CALB2: variants seen among roughly 807,000 people sequenced by gnomAD.
The protein encoded by CALB2 is calretinin.
Under a neutral mutation model 45.9 loss-of-function variants are expected in CALB2, and 34 were observed. The ratio of observed to expected loss-of-function variants is 0.74; its 90% CI spans 0.56 to 0.99. The LOEUF (loss-of-function observed/expected upper bound fraction) is 0.99, where lower values mean the gene tolerates loss of function less well. CALB2 is among the 50% of genes least tolerant of loss of function. The pLI is 0.00. For missense variants in CALB2, 344 were observed against 339.3 expected, an observed-to-expected ratio of 1.01 and a Z score of -0.11; for synonymous variants, 142 against 129.6, an observed-to-expected ratio of 1.10 and a Z score of -0.65.
At chr16:71,359,111 G>A (rs917107325) in intron 1 of CALB2, among the ~76,000 whole-genome samples, 1 of 152,178 alleles carries the variant, frequency 6.6e-6, no homozygotes, top group South Asian at 2.1e-4. Context: ...GAGCCCACCC[G>A]CATTTGCACC....
chr16:71,383,333 G>A (rs201550865), intron 5 of CALB2, 34 bp from the exon 6 acceptor site: 1 of 1,596,174 alleles, frequency 6.3e-7, no homozygotes. Flanking sequence ...GAATGCACGA[G>A]TCAGGAGTAC....
chr16:71,376,061 G>A (rs1430902231), intron 3 of CALB2, among the ~76,000 whole-genome samples: 1 of 152,192 alleles, frequency 6.6e-6, no homozygotes, highest in African/African-American at 2.4e-5. Context: ...GGCCACTATA[G>A]ATGCCCATGC....
chr16:71,384,520 A>G, intron 8 of CALB2, 142 bp downstream of exon 8: 1 of 673,968 alleles, frequency 1.5e-6, no homozygotes, highest in East Asian at 2.8e-5. Flanking sequence ...CACACACACA[A>G]CACACACAGA....
intron 10 of CALB2, among the ~76,000 whole-genome samples, chr16:71,387,828 A>G (rs2042587587): frequency 6.6e-6 from 1 of 152,120 alleles, no homozygotes; most frequent in African/African-American, 2.4e-5. Context: ...ATTTCCAAGA[A>G]CATCACAACT....
intron 1 of CALB2, among the ~76,000 whole-genome samples, chr16:71,367,818 G>C (rs1567535658): frequency 6.6e-6 from 1 of 152,168 alleles, no homozygotes; most frequent in Non-Finnish European, 1.5e-5. Context: ...AATTCCTAGT[G>C]TGGGGAGGGG....
chr16:71,363,557 G>C (rs1430800628), intron 1 of CALB2, among the ~76,000 whole-genome samples: 1 of 152,214 alleles, frequency 6.6e-6, no homozygotes, highest in Non-Finnish European at 1.5e-5. Flanking sequence ...CAGTGCCCAG[G>C]CAGGCTCTTC....
chr16:71,377,095 G>T (rs1285878017), intron 3 of CALB2, among the ~76,000 whole-genome samples: 1 of 152,226 alleles, frequency 6.6e-6, no homozygotes, highest in South Asian at 2.1e-4. Context: ...GGTAAGGGCG[G>T]TTGGGTGGGC....
At chr16:71,374,906 G>A in intron 3 of CALB2, 72 bp downstream of exon 3, 2 of 1,041,564 alleles carry the variant, frequency 1.9e-6, no homozygotes, top group Admixed American at 1.8e-5. Flanking sequence ...CCAGGCATGA[G>A]CATCCTGCTG....
At chr16:71,383,049 C>T (rs1477331271) in intron 5 of CALB2, among the ~76,000 whole-genome samples, 2 of 152,174 alleles carry the variant, frequency 1.3e-5, no homozygotes, top group Admixed American at 6.5e-5. Context: ...GCCTCTGGCT[C>T]CTAGGTCCAC....
intron 9 of CALB2, 57 bp from the exon 10 acceptor site, chr16:71,385,520 C>A: frequency 6.6e-7 from 1 of 1,505,314 alleles, no homozygotes; most frequent in South Asian, 1.1e-5. Flanking sequence ...TGGAATGGGT[C>A]GGGACAGCAG....
Position 71,390,005 on chromosome 16 carries a change from A to C in CALB2, c.*140A>C. 1.6e-6 allele frequency: 1 copy of C among 630,468 alleles called. No individual in the cohort carries two copies. Among genetic ancestry groups the C allele is most frequent in the African/African-American group, 1.8e-5 (1 of 54,366 alleles). 39.1% of individuals were successfully genotyped at this position (630,468 alleles called of 1,614,324 possible). On this transcript the variant is annotated 3_prime_UTR_variant, in exon 11 of 11. Coordinates refer to ENST00000302628, the MANE Select transcript of CALB2 (RefSeq NM_001740.5). ...ACACCTGCCTGCAGAGCAGGAAATG[A>C]GAGATAGAGGATGGGCAGCTGGGGG...
chr16:71,381,506 G>A lies in CALB2; in HGVS notation c.343-1213G>A, dbSNP rs531474789. Among the ~76,000 whole-genome samples the A allele has an allele frequency of 1.2e-3, 175 of 151,802 alleles. 2 individuals are homozygous for A. The highest frequency in any genetic ancestry group is 3.0e-3 in the African/African-American group (125 of 41,392). On this transcript the variant is annotated intron_variant, in intron 4 of 10. Coordinates refer to ENST00000302628, the MANE Select transcript of CALB2 (RefSeq NM_001740.5). ...TGGTGTTTAAAAAGAGACATTTTCC[G>A]TAAAATATAACTAAACTCTAAATGT...
At chr16:71,388,351 A>G (rs2042595117) in intron 10 of CALB2, among the ~76,000 whole-genome samples, 1 of 145,964 alleles carries the variant, frequency 6.9e-6, no homozygotes, top group African/African-American at 2.5e-5. Flanking sequence ...AAAAAAAAAA[A>G]GAAAAAGAAA....
chr16:71,384,094 A>C, intron 7 of CALB2, 69 bp downstream of exon 7: 1 of 1,533,676 alleles, frequency 6.5e-7, no homozygotes. Flanking sequence ...TCCGTCTCTG[A>C]GATCCATTGG....
intron 6 of CALB2, among the ~76,000 whole-genome samples, chr16:71,383,748 T>C (rs2042528893): frequency 6.6e-6 from 1 of 152,104 alleles, no homozygotes; most frequent in African/African-American, 2.4e-5. Context: ...CAGCTGCCCC[T>C]GTCCCTGAGG....
At chr16:71,364,385 G>A (rs921120675) in intron 1 of CALB2, among the ~76,000 whole-genome samples, 3 of 152,146 alleles carry the variant, frequency 2.0e-5, no homozygotes, top group African/African-American at 7.2e-5. Flanking sequence ...AGGTTTCCAG[G>A]GCTAAGGAGA....
At position 71,390,217 on chromosome 16, in the gene CALB2, C is replaced by G. The variant is rs148482925; in HGVS notation, c.*352C>G. 1.1e-5 allele frequency: 2 copies of G among 188,016 alleles called. No individual in the cohort carries two copies. The highest frequency in any genetic ancestry group is 2.2e-5 in the Non-Finnish European group (2 of 89,888). The allele number at this position is 188,016 out of a possible 1,614,324, so 11.6% of individuals were successfully genotyped here. A position where few individuals can be genotyped will look rare whatever the true frequency, so the allele number is the denominator to read the frequency against. On this transcript the variant is annotated 3_prime_UTR_variant, in exon 11 of 11. Transcript: ENST00000302628. ...GTGGACTCTTCCCTCTCGCTCCCCT[C>G]TGCCGGTCCCCCATGCCACCACCCA...
intron 1 of CALB2, among the ~76,000 whole-genome samples, chr16:71,360,485 T>C (rs1415049527): frequency 6.6e-6 from 1 of 152,184 alleles, no homozygotes; most frequent in Non-Finnish European, 1.5e-5. Context: ...CTAAGAGAAG[T>C]GCAGCCTTTT....
intron 7 of CALB2, 61 bp from the exon 8 acceptor site, chr16:71,384,278 C>A: frequency 7.1e-7 from 1 of 1,400,210 alleles, no homozygotes; most frequent in Non-Finnish European, 1.0e-6. Context: ...CTGCCTTCCC[C>A]TCTCCCGCTT....
Sources: gnomAD v4.1 joint callset for allele counts (sites outside exome capture counted in the v4.1 genomes callset) on GRCh38, gnomAD v4.1.1 for gene constraint, MANE v1.5 for transcripts, NCBI Gene and HGNC (gene_info 2026-07-23, HGNC 2026-07-21) for gene names.